Variants in KCNT2 observed in about 807,000 individuals in gnomAD.
The protein encoded by KCNT2 is potassium channel subfamily T member 2.
In KCNT2, 67 loss-of-function variants were observed where a neutral mutation model predicts 153.8. The ratio of observed to expected loss-of-function variants is 0.44; its 90% CI spans 0.36 to 0.53. KCNT2 has a LOEUF of 0.53. Among genes scored for constraint, KCNT2 ranks in the 20% least tolerant of loss-of-function variants. The pLI is 0.00. For missense variants in KCNT2, 975 were observed against 1,354.8 expected (o/e 0.72, Z 4.40); for synonymous variants, 500 against 458.8 (o/e 1.09, Z -1.15).
intron 5 of KCNT2, among the ~76,000 whole-genome samples, chr1:196,469,890 G>A (rs1677940170): frequency 6.6e-6 from 1 of 152,116 alleles, no homozygotes; most frequent in South Asian, 2.1e-4. Context: ...AAGGCAATTT[G>A]AAATCTGCTA....
rs971628570 is a variant in KCNT2, at chr1:196,569,378, T to A, written c.95+38837A>T. Among the ~76,000 whole-genome samples, 3 of 152,298 alleles carry A rather than the reference T, an allele frequency of 2.0e-5. No homozygotes were observed. The South Asian group carries it at 6.2e-4, about 32-fold the overall frequency. On this transcript the variant is annotated intron_variant, in intron 1 of 27. Coordinates refer to ENST00000294725, the MANE Select transcript of KCNT2 (RefSeq NM_198503.5). ...ATTTGGCAGTGTCTGTTCCTATTTT[T>A]AAAAATGACCTCATATTCTCAACAT...
At chr1:196,333,696 G>A (rs1664712989) in intron 17 of KCNT2, 151 bp downstream of exon 17, 1 of 604,334 alleles carries the variant, frequency 1.7e-6, no homozygotes, top group South Asian at 2.0e-5. Flanking sequence ...TACTAGCAGT[G>A]CGTTTTGGTA....
intron 22 of KCNT2, among the ~76,000 whole-genome samples, chr1:196,294,079 C>T (rs140310628): frequency 1.7e-3 from 265 of 152,066 alleles, no homozygotes; most frequent in African/African-American, 6.1e-3. Flanking sequence ...CATATATAAC[C>T]GGCCAACACG....
At chr1:196,317,482 G>C (rs1459467367) in intron 20 of KCNT2, among the ~76,000 whole-genome samples, 2 of 151,560 alleles carry the variant, frequency 1.3e-5, no homozygotes, top group Non-Finnish European at 3.0e-5. Context: ...TATGGCCCTT[G>C]TGGACCATCA....
At chr1:196,286,064 GA>G (rs937928153) in intron 22 of KCNT2, among the ~76,000 whole-genome samples, 3 of 150,190 alleles carry the variant, frequency 2.0e-5, no homozygotes, top group East Asian at 2.0e-4. Context: ...AAAAAAATGT[GA>G]AAAAAAAACT....
At chr1:196,478,874 G>C (rs940911358) in intron 5 of KCNT2, among the ~76,000 whole-genome samples, 1 of 152,034 alleles carries the variant, frequency 6.6e-6, no homozygotes, top group Admixed American at 6.5e-5. Context: ...TCAATATTTT[G>C]TGTACAAATC....
At chr1:196,423,809 G>T (rs1673417087) in intron 11 of KCNT2, among the ~76,000 whole-genome samples, 1 of 151,644 alleles carries the variant, frequency 6.6e-6, no homozygotes, top group Non-Finnish European at 1.5e-5. Flanking sequence ...ACAGTTCTGG[G>T]AAAATGTTGC....
intron 25 of KCNT2, among the ~76,000 whole-genome samples, chr1:196,267,636 TAG>T (rs1657672480): frequency 3.3e-5 from 5 of 152,146 alleles, no homozygotes; most frequent in Admixed American, 3.3e-4. Context: ...GGGCTTCTGG[TAG>T]CAAAAACTAT....
chr1:196,591,687 A>C (rs1663382125), intron 1 of KCNT2, among the ~76,000 whole-genome samples: 1 of 152,152 alleles, frequency 6.6e-6, no homozygotes. Flanking sequence ...GCACAATATA[A>C]GGGTCAAGGA....
intron 13 of KCNT2, among the ~76,000 whole-genome samples, chr1:196,396,114 T>A (rs1670916310): frequency 6.6e-6 from 1 of 151,576 alleles, no homozygotes; most frequent in Admixed American, 6.6e-5. Context: ...GGTAAGTAAG[T>A]TGGGAGCTGG....
At chr1:196,569,340 A>C (rs1660495936) in intron 1 of KCNT2, among the ~76,000 whole-genome samples, 1 of 152,182 alleles carries the variant, frequency 6.6e-6, no homozygotes, top group Non-Finnish European at 1.5e-5. Context: ...GTCTTTTTAA[A>C]ATATGCCTTA....
Position 196,274,409 on chromosome 1 carries a change from G to T in KCNT2, c.2910+6451C>A, listed in dbSNP as rs115142953. On this transcript the variant is annotated intron_variant, in intron 25 of 27. Coordinates refer to ENST00000294725, the MANE Select transcript of KCNT2 (RefSeq NM_198503.5). ...ATGCATAATAAACATTTGATTGTGG[G>T]TTTCTTGAAACTATTTCAGGATTCC... Among the ~76,000 whole-genome samples, 568 of 151,608 alleles carry T rather than the reference G, an allele frequency of 3.7e-3. 3 individuals are homozygous for T. Among genetic ancestry groups the T allele is most frequent in the African/African-American group, 0.013 (531 of 41,462 alleles).
chr1:196,463,373 G>C (rs1478611157), intron 8 of KCNT2, among the ~76,000 whole-genome samples: 1 of 151,794 alleles, frequency 6.6e-6, no homozygotes, highest in East Asian at 1.9e-4. Context: ...AAGACAGTTT[G>C]CTTGTAATGC....
At chr1:196,440,438 AATTG>A (rs1459729982) in intron 8 of KCNT2, among the ~76,000 whole-genome samples, 2 of 151,950 alleles carry the variant, frequency 1.3e-5, no homozygotes, top group Non-Finnish European at 2.9e-5. Context: ...TATCTCTGAG[AATTG>A]ATTAATTTTA....
At chr1:196,235,659 G>T (rs1398280237) in intron 27 of KCNT2, among the ~76,000 whole-genome samples, 1 of 151,366 alleles carries the variant, frequency 6.6e-6, no homozygotes. Context: ...AAGGTATTTA[G>T]AACTAGACAG....
At chr1:196,297,760 C>A (rs1002563481) in intron 22 of KCNT2, among the ~76,000 whole-genome samples, 1 of 152,146 alleles carries the variant, frequency 6.6e-6, no homozygotes, top group African/African-American at 2.4e-5. Flanking sequence ...AACTCCCACT[C>A]AGCTGTTCCA....
chr1:196,461,761 C>A (rs541853255), intron 8 of KCNT2, among the ~76,000 whole-genome samples: 119 of 151,746 alleles, frequency 7.8e-4, no homozygotes, highest in African/African-American at 2.8e-3. Flanking sequence ...AATTCCATTA[C>A]AATGACCGAA....
At chr1:196,258,523 G>T (rs1401740850) in intron 25 of KCNT2, 29 bp from the exon 26 acceptor site, 1 of 1,303,468 alleles carries the variant, frequency 7.7e-7, no homozygotes, top group Non-Finnish European at 1.1e-6. Flanking sequence ...TTGATAATTA[G>T]ATACTTTAGA....
chr1:196,569,667 TA>T lies in KCNT2; in HGVS notation c.95+38547del, dbSNP rs971397283. Among the ~76,000 whole-genome samples the T allele has an allele frequency of 5.9e-5, 9 of 151,692 alleles. No individual in the cohort carries two copies. In the East Asian group the frequency reaches 7.7e-4, roughly 13 times the overall value. Reference sequence around the variant, plus strand: ...GGGAGTTCAGACTTCTGGAGAGAGCTAAAAAAAACCCTCTGAATTCATTTTG... The same window carrying T: ...GGGAGTTCAGACTTCTGGAGAGAGCTAAAAAAACCCTCTGAATTCATTTTG... On this transcript the variant is annotated intron_variant, in intron 1 of 27. Coordinates refer to ENST00000294725, the MANE Select transcript of KCNT2 (RefSeq NM_198503.5).
Sources: allele counts gnomAD v4.1 joint callset (sites outside exome capture counted in the v4.1 genomes callset), GRCh38; gene constraint gnomAD v4.1.1; transcripts MANE v1.5; gene names NCBI Gene and HGNC (gene_info 2026-07-23, HGNC 2026-07-21).